PDE12: variants seen among roughly 807,000 people sequenced by gnomAD.
PDE12 encodes the protein 2',5'-phosphodiesterase 12.
A neutral mutation model predicts 45.4 loss-of-function variants in PDE12; 26 were observed. That is an observed-to-expected ratio of 0.57 (90% CI 0.42 to 0.79). The LOEUF is 0.79. PDE12 is among the 30% of genes least tolerant of loss of function. The probability of loss-of-function intolerance (pLI) is 0.00; values close to 1 mark genes in which losing one functional copy is unlikely to be tolerated. For missense variants in PDE12, 668 were observed against 790.0 expected, an observed-to-expected ratio of 0.85 and a Z score of 1.85; for synonymous variants, 283 against 323.9, an observed-to-expected ratio of 0.87 and a Z score of 1.36.
At chr3:57,610,875 G>GA in the PDE12 span, among the ~76,000 whole-genome samples, 1 of 152,156 alleles carries the variant, frequency 6.6e-6, no homozygotes, top group Middle Eastern at 3.4e-3. Flanking sequence ...CACAGAACTG[G>GA]AAAAAACTAC....
chr3:57,577,505 AG>A, the PDE12 span: 1 of 771,820 alleles, frequency 1.3e-6, no homozygotes, highest in Non-Finnish European at 2.2e-6. Context: ...TCTCTTTAAA[AG>A]TAAGAACTTA....
the PDE12 span, among the ~76,000 whole-genome samples, chr3:57,593,550 T>A: frequency 6.6e-6 from 1 of 152,176 alleles, no homozygotes; most frequent in Non-Finnish European, 1.5e-5. Context: ...TACACTGATA[T>A]CAGCAAACTT....
downstream of PDE12, among the ~76,000 whole-genome samples, chr3:57,569,286 T>A (rs891000843): frequency 5.3e-5 from 8 of 151,454 alleles, no homozygotes; most frequent in African/African-American, 1.9e-4. Context: ...AAAGGAACTT[T>A]AAAAAAAAAT....
chr3:57,574,306 T>C, the PDE12 span, among the ~76,000 whole-genome samples: 1 of 152,202 alleles, frequency 6.6e-6, no homozygotes, highest in African/African-American at 2.4e-5. Flanking sequence ...ATTTACAGGT[T>C]AATGCAAAAC....
chr3:57,575,350 C>A, the PDE12 span, among the ~76,000 whole-genome samples: 1 of 151,232 alleles, frequency 6.6e-6, no homozygotes, highest in Non-Finnish European at 1.5e-5. Flanking sequence ...AATCTTTAGA[C>A]CTATTCTACA....
chr3:57,597,441 G>A, the PDE12 span: 3 of 250,826 alleles, frequency 1.2e-5, no homozygotes, highest in African/African-American at 2.3e-5. Context: ...CTCCAACGCG[G>A]ACAGAATCGC....
the PDE12 span, among the ~76,000 whole-genome samples, chr3:57,594,471 G>A: frequency 6.6e-6 from 1 of 152,254 alleles, no homozygotes; most frequent in Admixed American, 6.5e-5. Flanking sequence ...CATAATTTCT[G>A]TCAATCAATA....
chr3:57,642,607 G>A, the PDE12 span, among the ~76,000 whole-genome samples: 64,481 of 151,698 alleles, frequency 0.43, 14,173 homozygotes, highest in East Asian at 0.55. Flanking sequence ...GATCATTAGA[G>A]CCATGTTAGT....
chr3:57,577,821 C>T, the PDE12 span, among the ~76,000 whole-genome samples: 38 of 151,830 alleles, frequency 2.5e-4, no homozygotes, highest in African/African-American at 8.7e-4. Context: ...GGCAAACGAT[C>T]AGGCCTGAAA....
the PDE12 span, among the ~76,000 whole-genome samples, chr3:57,640,358 C>A: frequency 6.6e-6 from 1 of 151,612 alleles, no homozygotes; most frequent in Non-Finnish European, 1.5e-5. Flanking sequence ...TTTGGGAGGC[C>A]AAGGTGGGCA....
the PDE12 span, among the ~76,000 whole-genome samples, chr3:57,603,282 C>T: frequency 6.6e-6 from 1 of 152,184 alleles, no homozygotes; most frequent in African/African-American, 2.4e-5. Flanking sequence ...AAATCTCCCT[C>T]CCCTTGCCCA....
chr3:57,584,038 C>T, the PDE12 span: 6 of 1,391,582 alleles, frequency 4.3e-6, no homozygotes, highest in South Asian at 1.2e-5. Context: ...GACCGCTGTG[C>T]AGCGTCATTA....
the PDE12 span, chr3:57,628,314 T>G: frequency 6.2e-7 from 1 of 1,614,156 alleles, no homozygotes; most frequent in Non-Finnish European, 8.5e-7. Context: ...AGTGTCAGGT[T>G]TCACAGGTAA....
chr3:57,588,883 A>T, the PDE12 span, among the ~76,000 whole-genome samples: 3 of 152,160 alleles, frequency 2.0e-5, no homozygotes, highest in Non-Finnish European at 4.4e-5. Flanking sequence ...CAGGTGGATC[A>T]CCTGAAGTCA....
the PDE12 span, chr3:57,628,878 A>G: frequency 6.2e-7 from 1 of 1,612,538 alleles, no homozygotes; most frequent in Non-Finnish European, 8.5e-7. Flanking sequence ...GATCCAGAGA[A>G]GTAAGTCCTA....
the PDE12 span, chr3:57,628,021 C>CACAG: frequency 1.5e-6 from 1 of 651,390 alleles, no homozygotes; most frequent in Non-Finnish European, 2.4e-6. Flanking sequence ...GTGGAACCAC[C>CACAG]ACAGATATCC....
chr3:57,651,666 T>C, the PDE12 span, among the ~76,000 whole-genome samples: 1 of 151,394 alleles, frequency 6.6e-6, no homozygotes, highest in Non-Finnish European at 1.5e-5. Context: ...ATATGATAAT[T>C]ACAAACCAGT....
At chr3:57,641,428 T>G in the PDE12 span, among the ~76,000 whole-genome samples, 1 of 148,086 alleles carries the variant, frequency 6.8e-6, no homozygotes, top group Non-Finnish European at 1.5e-5. Flanking sequence ...TATTATTCTA[T>G]AATAATATAA....
the PDE12 span, among the ~76,000 whole-genome samples, chr3:57,616,101 T>G: frequency 6.6e-6 from 1 of 152,046 alleles, no homozygotes; most frequent in African/African-American, 2.4e-5. Flanking sequence ...GGCAAGAGGA[T>G]CACTTGAGCC....
Sources: allele counts gnomAD v4.1 joint callset (sites outside exome capture counted in the v4.1 genomes callset), GRCh38; gene constraint gnomAD v4.1.1; transcripts MANE v1.5; gene names NCBI Gene and HGNC (gene_info 2026-07-23, HGNC 2026-07-21).